ACOT1: variants seen among roughly 807,000 people sequenced by gnomAD.
The protein encoded by ACOT1 is acyl-CoA thioesterase 1, also known as acyl-coenzyme A thioesterase 1.
Under a neutral mutation model 15.7 loss-of-function variants are expected in ACOT1, and 8 were observed. That is an observed-to-expected ratio of 0.51 (90% CI 0.30 to 0.92). The LOEUF is 0.92. ACOT1 is among the 40% of genes least tolerant of loss of function. The pLI, the probability that ACOT1 is intolerant of heterozygous loss-of-function variation, is 0.06. For missense variants in ACOT1, 151 were observed against 539.4 expected, an observed-to-expected ratio of 0.28 and a Z score of 7.13; for synonymous variants, 67 against 241.2, an observed-to-expected ratio of 0.28 and a Z score of 6.69.
At chr14:73,522,172 G>T in the ACOT1 span, 1 of 1,233,870 alleles carries the variant, frequency 8.1e-7, no homozygotes, top group Non-Finnish European at 1.1e-6. Flanking sequence ...GAAGTTGATG[G>T]GAGAGTGCAT....
the ACOT1 span, among the ~76,000 whole-genome samples, chr14:73,528,258 G>A: frequency 1.5e-4 from 23 of 151,964 alleles, no homozygotes; most frequent in Admixed American, 1.5e-3. Context: ...TAGCGGGTGT[G>A]GTGGTGGGCA....
the ACOT1 span, among the ~76,000 whole-genome samples, chr14:73,513,767 C>A: frequency 6.9e-6 from 1 of 145,776 alleles, no homozygotes; most frequent in Non-Finnish European, 1.5e-5. Flanking sequence ...ATGGTCTCTG[C>A]CTCTGAAGAG....
the ACOT1 span, chr14:73,491,024 G>T: frequency 6.6e-7 from 1 of 1,510,480 alleles, no homozygotes; most frequent in African/African-American, 1.4e-5. Context: ...GGCCATGGAT[G>T]GGCTCCAGGC....
chr14:73,536,400 T>C (rs1361337873), upstream of ACOT1, among the ~76,000 whole-genome samples: 1 of 108,120 alleles, frequency 9.2e-6, no homozygotes, highest in Middle Eastern at 4.3e-3. Context: ...TTGAGGTGTT[T>C]GAGAGGCTGA....
At chr14:73,496,645 C>T in the ACOT1 span, 1 of 1,599,240 alleles carries the variant, frequency 6.3e-7, no homozygotes, top group East Asian at 2.2e-5. Flanking sequence ...CCTTCATTTC[C>T]TAAGTTGAGT....
the ACOT1 span, among the ~76,000 whole-genome samples, chr14:73,503,645 AAAAAT>A: frequency 0.1 from 15,312 of 152,176 alleles, 1,126 homozygotes; most frequent in Non-Finnish European, 0.15. Context: ...AAAAATTTTA[AAAAAT>A]AAAATAAAAA....
the ACOT1 span, among the ~76,000 whole-genome samples, chr14:73,531,780 G>T: frequency 3.5e-5 from 4 of 112,696 alleles, 2 homozygotes; most frequent in Non-Finnish European, 7.7e-5. Flanking sequence ...CAGCAACTTG[G>T]GAGGCTGAGG....
upstream of ACOT1, among the ~76,000 whole-genome samples, chr14:73,532,724 G>T (rs1194406296): frequency 8.7e-5 from 10 of 115,030 alleles, 2 homozygotes; most frequent in East Asian, 1.3e-3. Flanking sequence ...GGAGGCCAAG[G>T]TGGGCAGATC....
chr14:73,493,086 C>T, the ACOT1 span: 21 of 1,610,446 alleles, frequency 1.3e-5, no homozygotes, highest in Middle Eastern at 1.6e-4. Flanking sequence ...GCTTCAGTGT[C>T]ACAAACCTCG....
the ACOT1 span, chr14:73,492,949 T>G: frequency 6.2e-7 from 1 of 1,611,832 alleles, no homozygotes; most frequent in Admixed American, 1.7e-5. This position sits in a 1 kb window ranked among gnomAD's most constrained non-coding sequence, Gnocchi z 4.9. Context: ...ATTAGTTTCT[T>G]GTTGATTGCT....
chr14:73,513,788 AAT>A, the ACOT1 span, among the ~76,000 whole-genome samples: 1 of 149,778 alleles, frequency 6.7e-6, no homozygotes, highest in Admixed American at 6.7e-5. Flanking sequence ...TCTGCAGTGT[AAT>A]AATGAGTTTC....
the ACOT1 span, chr14:73,495,197 A>G: frequency 1.3e-6 from 2 of 1,592,450 alleles, no homozygotes; most frequent in African/African-American, 2.7e-5. Context: ...TAAAGGAATC[A>G]AGGCATGGAA....
chr14:73,504,945 T>C, the ACOT1 span, among the ~76,000 whole-genome samples: 1 of 152,170 alleles, frequency 6.6e-6, no homozygotes, highest in African/African-American at 2.4e-5. Flanking sequence ...GTTTGTTTTT[T>C]TTTTTAGATG....
the ACOT1 span, chr14:73,495,476 A>G: frequency 1.9e-6 from 2 of 1,038,286 alleles, no homozygotes; most frequent in African/African-American, 3.2e-5. Context: ...AAGTGATTGT[A>G]GGAGGCTGAG....
chr14:73,532,902 C>A (rs1430700561), upstream of ACOT1, among the ~76,000 whole-genome samples: 3 of 112,536 alleles, frequency 2.7e-5, no homozygotes, highest in Admixed American at 2.0e-4. Context: ...TTTCAGTGAG[C>A]CAAGATTGGG....
the ACOT1 span, chr14:73,509,505 T>G: frequency 6.2e-7 from 1 of 1,608,468 alleles, no homozygotes; most frequent in Non-Finnish European, 8.5e-7. Flanking sequence ...AAGAGAGTAC[T>G]AGCCCCTTTG....
At chr14:73,529,415 G>C in the ACOT1 span, among the ~76,000 whole-genome samples, 4 of 151,296 alleles carry the variant, frequency 2.6e-5, no homozygotes, top group Admixed American at 2.0e-4. Context: ...CCAGGCCCTG[G>C]AATGAGCAAC....
the ACOT1 span, among the ~76,000 whole-genome samples, chr14:73,526,958 G>A: frequency 6.6e-6 from 1 of 152,138 alleles, no homozygotes; most frequent in African/African-American, 2.4e-5. Context: ...CCTGACTGGG[G>A]GAAAGAGAAG....
chr14:73,532,991 T>G (rs1458472454), upstream of ACOT1, among the ~76,000 whole-genome samples: 1 of 112,524 alleles, frequency 8.9e-6, no homozygotes. Flanking sequence ...AAAAGAAAAG[T>G]AAAGACTAAA....
Sources: allele counts gnomAD v4.1 joint callset (sites outside exome capture counted in the v4.1 genomes callset), GRCh38; gene constraint gnomAD v4.1.1; non-coding constraint Gnocchi (gnomAD v3.1); transcripts MANE v1.5; gene names NCBI Gene and HGNC (gene_info 2026-07-23, HGNC 2026-07-21).